ENOX1: variants seen among roughly 807,000 people sequenced by gnomAD.
ENOX1 encodes ecto-NOX disulfide-thiol exchanger 1, also known as candidate growth-related and time keeping constitutive hydroquinone (NADH) oxidase.
A neutral mutation model predicts 82.5 loss-of-function variants in ENOX1; 42 were observed. The observed-to-expected ratio is 0.51, with a 90% CI of 0.40 to 0.66. The LOEUF is 0.66. ENOX1 is among the 30% of genes least tolerant of loss of function. The pLI, the probability that ENOX1 is intolerant of heterozygous loss-of-function variation, is 0.00. For synonymous variants in ENOX1, 271 were observed against 282.2 expected, an observed-to-expected ratio of 0.96 and a Z score of 0.40; for missense variants, 608 against 811.6, an observed-to-expected ratio of 0.75 and a Z score of 3.05.
At chr13:43,709,436 T>C (rs942023040) in intron 1 of ENOX1, among the ~76,000 whole-genome samples, 4 of 152,068 alleles carry the variant, frequency 2.6e-5, no homozygotes, top group Non-Finnish European at 4.4e-5. Context: ...TAATTTTAAG[T>C]ACATTTTTAA....
At chr13:43,735,549 G>A (rs752843697) in intron 1 of ENOX1, among the ~76,000 whole-genome samples, 2 of 152,076 alleles carry the variant, frequency 1.3e-5, no homozygotes, top group East Asian at 1.9e-4. Flanking sequence ...GTGAAACCCC[G>A]TCTCTACTAA....
At chr13:43,608,274 CT>C in intron 2 of ENOX1, among the ~76,000 whole-genome samples, 1 of 152,200 alleles carries the variant, frequency 6.6e-6, no homozygotes, top group Non-Finnish European at 1.5e-5. Context: ...TATGATATGA[CT>C]TTTTCCCCGA....
At chr13:43,276,715 C>T (rs1593662623) in intron 12 of ENOX1, among the ~76,000 whole-genome samples, 1 of 152,314 alleles carries the variant, frequency 6.6e-6, no homozygotes, top group East Asian at 1.9e-4. Context: ...AACCTAAGAG[C>T]AAGGCTTTGC....
rs796817054 is a variant in ENOX1, at chr13:43,470,339, T to C, written c.-75+13670A>G. ...ATACACATATATATATGTATATATA[T>C]ACGTATATATATATGTATATATATA... On this transcript the variant is annotated intron_variant, in intron 3 of 16. Transcript: ENST00000690772. Among the ~76,000 whole-genome samples, 227 of 46,772 alleles carry C rather than the reference T, an allele frequency of 4.9e-3. 11 individuals are homozygous for C. Among genetic ancestry groups the C allele is most frequent in the East Asian group, 0.012 (20 of 1,706 alleles). The allele number at this position is 46,772 out of a possible 152,430, so 30.7% of individuals were successfully genotyped here.
intron 3 of ENOX1, among the ~76,000 whole-genome samples, chr13:43,476,497 G>A (rs2058291140): frequency 6.6e-6 from 1 of 152,112 alleles, no homozygotes. Context: ...ATAATGAAGT[G>A]TAAAAGAATG....
At chr13:43,683,009 A>C (rs1318752913) in intron 1 of ENOX1, among the ~76,000 whole-genome samples, 6 of 152,178 alleles carry the variant, frequency 3.9e-5, no homozygotes, top group Non-Finnish European at 8.8e-5. Flanking sequence ...TTAGCTAGTA[A>C]AACAAACTTA....
intron 2 of ENOX1, among the ~76,000 whole-genome samples, chr13:43,528,231 T>C (rs2078062297): frequency 6.6e-6 from 1 of 152,106 alleles, no homozygotes; most frequent in Admixed American, 6.6e-5. Flanking sequence ...TTAAGTAATA[T>C]AAAGGGTACA....
chr13:43,647,711 C>T (rs1221837018), intron 2 of ENOX1, among the ~76,000 whole-genome samples: 2 of 152,118 alleles, frequency 1.3e-5, no homozygotes, highest in East Asian at 1.9e-4. Flanking sequence ...CCAAAGATGT[C>T]CAGCGTCTAT....
intron 5 of ENOX1, among the ~76,000 whole-genome samples, chr13:43,365,343 G>C (rs914942854): frequency 7.9e-5 from 12 of 152,224 alleles, no homozygotes; most frequent in Admixed American, 1.3e-4. Context: ...AGTCTGGTCT[G>C]GAAGGAAGAA....
chr13:43,412,095 G>C (rs2054169492), intron 4 of ENOX1, 42 bp from the exon 5 acceptor site: 2 of 1,592,568 alleles, frequency 1.3e-6, no homozygotes, highest in African/African-American at 1.3e-5. Flanking sequence ...CCATAGGCAA[G>C]GGTGTTTGTT....
intron 1 of ENOX1, among the ~76,000 whole-genome samples, chr13:43,696,559 G>A (rs537552219): frequency 6.6e-6 from 1 of 152,240 alleles, no homozygotes; most frequent in South Asian, 2.1e-4. Context: ...GCTGAGCTTG[G>A]GAGCCACAGA....
At chr13:43,415,753 C>T (rs1440004672) in intron 3 of ENOX1, among the ~76,000 whole-genome samples, 3 of 152,188 alleles carry the variant, frequency 2.0e-5, no homozygotes, top group East Asian at 1.9e-4. Context: ...TCTCGATGGT[C>T]GCTATCTCTT....
intron 2 of ENOX1, among the ~76,000 whole-genome samples, chr13:43,493,840 C>T (rs1246453574): frequency 6.6e-6 from 1 of 152,106 alleles, no homozygotes; most frequent in Non-Finnish European, 1.5e-5. Flanking sequence ...CACGCTGCTA[C>T]AAAGAACTGC....
intron 1 of ENOX1, among the ~76,000 whole-genome samples, chr13:43,713,932 T>C (rs1315733862): frequency 2.7e-5 from 4 of 150,386 alleles, no homozygotes; most frequent in Non-Finnish European, 5.9e-5. Flanking sequence ...GCTCTGATTT[T>C]AGTTATTTCT....
At chr13:43,394,171 T>C (rs2052987702) in intron 5 of ENOX1, among the ~76,000 whole-genome samples, 1 of 152,212 alleles carries the variant, frequency 6.6e-6, no homozygotes, top group South Asian at 2.1e-4. Flanking sequence ...CAATACATAA[T>C]GAACTAATAC....
intron 2 of ENOX1, among the ~76,000 whole-genome samples, chr13:43,616,483 C>T (rs966475875): frequency 3.3e-5 from 5 of 151,214 alleles, no homozygotes; most frequent in Non-Finnish European, 5.9e-5. Context: ...GTTACAGACA[C>T]GAGCCACCAT....
In ENOX1 at chr13:43,467,294, C is replaced by G. The variant is rs372484945; in HGVS notation, c.-75+16715G>C. The stretch of plus-strand genomic sequence containing the variant: ...ACTGTTATTGTCTGTCAATTTTAGA[C>G]AATTACTACATTACTATATACTATA... On this transcript the variant is annotated intron_variant, in intron 3 of 16. Transcript: ENST00000690772. 1.1e-4 allele frequency among the ~76,000 whole-genome samples: 16 copies of G among 152,264 alleles called. No individual in the cohort carries two copies. In the East Asian group the frequency reaches 1.5e-3, roughly 15 times the overall value.
chr13:43,324,945 C>T (rs2048023537), intron 10 of ENOX1, among the ~76,000 whole-genome samples: 1 of 152,152 alleles, frequency 6.6e-6, no homozygotes, highest in Non-Finnish European at 1.5e-5. Context: ...CAGCAGGCCA[C>T]CAGCCTTTCT....
intron 2 of ENOX1, among the ~76,000 whole-genome samples, chr13:43,531,895 A>G (rs1593665690): frequency 7.0e-6 from 1 of 143,838 alleles, no homozygotes; most frequent in Non-Finnish European, 1.5e-5. Context: ...AGACACAAGA[A>G]GGGGAACATC....
Sources: allele counts gnomAD v4.1 joint callset (sites outside exome capture counted in the v4.1 genomes callset), GRCh38; gene constraint gnomAD v4.1.1; transcripts MANE v1.5; gene names NCBI Gene and HGNC (gene_info 2026-07-23, HGNC 2026-07-21).